The following COL5A2 variants were observed in gnomAD, a reference collection of about 807,000 sequenced individuals.
The protein encoded by COL5A2 is collagen type V alpha 2 chain, also known as collagen alpha-2(V) chain.
COL5A2 carries 23 observed loss-of-function variants against 208.2 expected under a neutral mutation model. That is an observed-to-expected ratio of 0.11 (90% CI 0.08 to 0.16). The LOEUF is 0.16. Among genes scored for constraint, COL5A2 ranks in the 10% least tolerant of loss-of-function variants. COL5A2 has a pLI of 1.00. For synonymous variants in COL5A2, 625 were observed against 628.5 expected, an observed-to-expected ratio of 0.99 and a Z score of 0.08; for missense variants, 1,590 against 1,956.4, an observed-to-expected ratio of 0.81 and a Z score of 3.53.
chr2:189,036,701 C>G lies in COL5A2; in HGVS notation c.4028G>C (p.Ser1343Thr). The G allele has an allele frequency of 2.5e-6, 4 of 1,613,764 alleles. No individual in the cohort carries two copies. Among genetic ancestry groups the G allele is most frequent in the Non-Finnish European group, 3.4e-6 (4 of 1,179,742 alleles). ...GGCCCACCAGGTTTTACGTGGTACA[C>G]TGGATGGGTTTGCTGAAATACATGT... ...GETCISANPS[S>T]VPRKTWWASK... The change falls in exon 52 of 54, where the codon AGT (serine) becomes ACT (threonine). Residue 1343 changes from serine (S) to threonine (T), a missense_variant. Transcript: ENST00000374866.
chr2:189,251,780 G>C, the COL5A2 span, among the ~76,000 whole-genome samples: 13 of 151,740 alleles, frequency 8.6e-5, no homozygotes, highest in African/African-American at 3.1e-4. Flanking sequence ...TTAAACTAAA[G>C]AGCTTCGCAC....
the COL5A2 span, among the ~76,000 whole-genome samples, chr2:189,239,619 T>G: frequency 5.3e-5 from 4 of 75,850 alleles, no homozygotes; most frequent in African/African-American, 1.6e-4. Flanking sequence ...GGGACTGTTG[T>G]GGGGTGGGGG....
At chr2:189,375,088 C>T in the COL5A2 span, among the ~76,000 whole-genome samples, 3 of 151,572 alleles carry the variant, frequency 2.0e-5, no homozygotes, top group African/African-American at 7.3e-5. Context: ...ACAATCTCAG[C>T]TCACTGAAAC....
Position 189,061,624 on chromosome 2 carries a change from T to C in COL5A2, c.1978-9A>G, listed in dbSNP as rs1393314071. ...CTTTCACCAGCTAGACCCTAAGTTG[T>C]GAAGGAGAAAATAATTGTGAATATA... On this transcript the variant is annotated splice_polypyrimidine_tract_variant and intron_variant, in intron 29 of 53. Transcript: ENST00000374866. 6.2e-7 allele frequency: 1 copy of C among 1,609,788 alleles called. No individual in the cohort carries two copies. The highest frequency in any genetic ancestry group is 1.7e-5 in the Admixed American group (1 of 59,982).
chr2:189,090,101 A>G (rs1686751803), intron 7 of COL5A2, among the ~76,000 whole-genome samples: 1 of 152,222 alleles, frequency 6.6e-6, no homozygotes, highest in South Asian at 2.1e-4. Flanking sequence ...ACAGTCATCC[A>G]ACTTATGAAT....
chr2:189,193,509 T>C (rs1688956529), intron 1 of COL5A2, among the ~76,000 whole-genome samples: 1 of 152,240 alleles, frequency 6.6e-6, no homozygotes, highest in East Asian at 1.9e-4. Context: ...ATGACATTTG[T>C]TGATCCTAAG....
the COL5A2 span, among the ~76,000 whole-genome samples, chr2:189,312,606 G>A: frequency 6.6e-6 from 1 of 152,144 alleles, no homozygotes; most frequent in African/African-American, 2.4e-5. Flanking sequence ...TTTTTAAACA[G>A]GTCTTTGATC....
the COL5A2 span, among the ~76,000 whole-genome samples, chr2:189,439,885 C>A: frequency 0.14 from 21,632 of 152,154 alleles, 1,969 homozygotes; most frequent in South Asian, 0.21. Flanking sequence ...TAAGGAAAAG[C>A]CTGTATCAGG....
At chr2:189,300,388 C>T in the COL5A2 span, among the ~76,000 whole-genome samples, 1 of 152,146 alleles carries the variant, frequency 6.6e-6, no homozygotes, top group Admixed American at 6.6e-5. Context: ...TTATTATATC[C>T]ACGTTTTCTG....
At chr2:189,090,029 T>C (rs1031934605) in intron 7 of COL5A2, among the ~76,000 whole-genome samples, 3 of 152,140 alleles carry the variant, frequency 2.0e-5, no homozygotes, top group African/African-American at 7.2e-5. Context: ...AAGCTAGAAA[T>C]GGTCTAGTAA....
intron 1 of COL5A2, among the ~76,000 whole-genome samples, chr2:189,136,543 A>C (rs1048079119): frequency 3.3e-5 from 5 of 150,556 alleles, no homozygotes; most frequent in African/African-American, 1.2e-4. Flanking sequence ...AATATCATAC[A>C]TGTATAACAA....
intron 24 of COL5A2, 83 bp downstream of exon 24, chr2:189,064,921 C>A: frequency 7.6e-7 from 1 of 1,309,390 alleles, no homozygotes; most frequent in Non-Finnish European, 1.1e-6. Flanking sequence ...CCCATGCAGG[C>A]CATAGCTAGA....
At chr2:189,270,392 T>C in the COL5A2 span, among the ~76,000 whole-genome samples, 7 of 152,184 alleles carry the variant, frequency 4.6e-5, no homozygotes, top group Non-Finnish European at 1.0e-4. Flanking sequence ...TACACACTGC[T>C]TTAAATGTTT....
At chr2:189,297,867 A>G in the COL5A2 span, among the ~76,000 whole-genome samples, 4 of 152,198 alleles carry the variant, frequency 2.6e-5, no homozygotes, top group African/African-American at 9.6e-5. Context: ...TTCAAACATA[A>G]TATCATTTAT....
the COL5A2 span, among the ~76,000 whole-genome samples, chr2:189,360,699 T>G: frequency 6.6e-6 from 1 of 152,128 alleles, no homozygotes; most frequent in Non-Finnish European, 1.5e-5. Context: ...GCCATGGTGG[T>G]TTACTACACC....
chr2:189,361,002 G>C, the COL5A2 span, among the ~76,000 whole-genome samples: 2 of 145,864 alleles, frequency 1.4e-5, no homozygotes, highest in Non-Finnish European at 3.0e-5. Context: ...GTTAAGAATT[G>C]TTTTGTGACA....
chr2:189,227,894 T>C (rs1287693658), upstream of COL5A2, among the ~76,000 whole-genome samples: 2 of 151,906 alleles, frequency 1.3e-5, no homozygotes, highest in Non-Finnish European at 2.9e-5. Flanking sequence ...AGACACAGAA[T>C]ATGCATTCTT....
At chr2:189,141,558 A>T (rs1171692121) in intron 1 of COL5A2, among the ~76,000 whole-genome samples, 1 of 152,188 alleles carries the variant, frequency 6.6e-6, no homozygotes, top group Non-Finnish European at 1.5e-5. Context: ...CTCCGGTTAA[A>T]GATTTCCTCT....
In COL5A2 at chr2:189,058,912, T is replaced by G; in HGVS notation, c.2086-19A>C. On this transcript the variant is annotated intron_variant, in intron 31 of 53. Transcript: ENST00000374866. ...GAACACCCTATAAACACATTTTTTT[T>G]TTTTAATGGAACAAGAGCTTTGAGT... 1.2e-6 allele frequency: 2 copies of G among 1,612,276 alleles called. No individual in the cohort carries two copies. The highest frequency in any genetic ancestry group is 1.7e-6 in the Non-Finnish European group (2 of 1,178,590).
Sources: gnomAD v4.1 joint callset for allele counts (sites outside exome capture counted in the v4.1 genomes callset) on GRCh38, gnomAD v4.1.1 for gene constraint, MANE v1.5 for transcripts, NCBI Gene and HGNC (gene_info 2026-07-23, HGNC 2026-07-21) for gene names.